TTLL5: variants seen among roughly 807,000 people sequenced by gnomAD.
TTLL5 encodes tubulin tyrosine ligase like 5, also known as tubulin polyglutamylase TTLL5.
Under a neutral mutation model 168.4 loss-of-function variants are expected in TTLL5, and 132 were observed. The observed-to-expected ratio is 0.78, with a 90% CI of 0.68 to 0.91. TTLL5 has a LOEUF of 0.91. TTLL5 is among the 40% of genes least tolerant of loss of function. TTLL5 has a pLI of 0.00. For missense variants in TTLL5, 1,545 were observed against 1,581.5 expected (o/e 0.98, Z 0.39); for synonymous variants, 546 against 558.6 (o/e 0.98, Z 0.32).
chr14:75,766,428 C>T (rs760382369), intron 20 of TTLL5, 60 bp downstream of exon 20: 5 of 1,424,072 alleles, frequency 3.5e-6, no homozygotes, highest in Non-Finnish European at 4.7e-6. Context: ...TACTGTGTAC[C>T]AGCTACTATT....
At chr14:75,687,151 A>G (rs746152309) in intron 5 of TTLL5, among the ~76,000 whole-genome samples, 4 of 152,242 alleles carry the variant, frequency 2.6e-5, no homozygotes, top group Non-Finnish European at 5.9e-5. Flanking sequence ...AAAATAAAAC[A>G]TAAACTGTAA....
chr14:75,732,514 T>A, intron 13 of TTLL5, 95 bp downstream of exon 13: 2 of 1,085,040 alleles, frequency 1.8e-6, no homozygotes, highest in Non-Finnish European at 2.7e-6. Context: ...ACTAGAAGAC[T>A]GTTTTTTTCC....
At chr14:75,805,196 G>A (rs1263109601) in intron 27 of TTLL5, among the ~76,000 whole-genome samples, 1 of 152,212 alleles carries the variant, frequency 6.6e-6, no homozygotes, top group South Asian at 2.1e-4. Context: ...TTAGCATGTG[G>A]CACTATTATC....
intron 6 of TTLL5, among the ~76,000 whole-genome samples, chr14:75,690,825 G>C (rs1433088885): frequency 6.6e-6 from 1 of 152,060 alleles, no homozygotes; most frequent in Non-Finnish European, 1.5e-5. Flanking sequence ...TCGCTCTGTT[G>C]CCTGGGCTGG....
intron 13 of TTLL5, among the ~76,000 whole-genome samples, chr14:75,732,877 A>G (rs1888631434): frequency 6.6e-6 from 1 of 152,232 alleles, no homozygotes; most frequent in Non-Finnish European, 1.5e-5. Context: ...TCCAAGTTTA[A>G]AGTCAAAAAC....
chr14:75,819,566 T>C (rs1480678829), intron 27 of TTLL5, among the ~76,000 whole-genome samples: 3 of 152,232 alleles, frequency 2.0e-5, no homozygotes. Context: ...CTAACCGTCT[T>C]TTTTCTTTCT....
At chr14:75,785,024 C>T in intron 26 of TTLL5, among the ~76,000 whole-genome samples, 1 of 151,974 alleles carries the variant, frequency 6.6e-6, no homozygotes, top group East Asian at 1.9e-4. Flanking sequence ...TATTTTTTCC[C>T]TACTTGATGG....
In TTLL5 at chr14:75,954,747, G is replaced by A; in HGVS notation, c.*301G>A. 2 of 434,350 alleles carry A rather than the reference G, an allele frequency of 4.6e-6. No homozygotes were observed. The highest frequency in any genetic ancestry group is 4.5e-5 in the South Asian group (1 of 22,436). The allele number at this position is 434,350 out of a possible 1,614,324, so 26.9% of individuals were successfully genotyped here. ...ATCTTTTACCTTCCCTTTGCCCCATGCCCCCAAACTGCTTAGGTCTTCTCT... is the reference window on the plus strand; with the variant it reads ...ATCTTTTACCTTCCCTTTGCCCCATACCCCCAAACTGCTTAGGTCTTCTCT... On this transcript the variant is annotated 3_prime_UTR_variant, in exon 32 of 32. Coordinates refer to ENST00000298832, the MANE Select transcript of TTLL5 (RefSeq NM_015072.5).
chr14:75,690,221 T>C lies in TTLL5; in HGVS notation c.401T>C (p.Leu134Pro). Residue 134 changes from leucine (L) to proline (P), a missense_variant, in exon 6 of 32, where the codon CTG (leucine) becomes CCG (proline). Transcript: ENST00000298832. ...RSYELTRKDR[L>P]YKNIIRMQHT... The stretch of plus-strand genomic sequence containing the variant: ...TATGAACTTACCCGGAAGGACCGAC[T>C]GTACAAAAACATTATTCGAATGCAG... The C allele has an allele frequency of 6.2e-7, 1 of 1,613,540 alleles. No individual in the cohort carries two copies. Among genetic ancestry groups the C allele is most frequent in the African/African-American group, 1.3e-5 (1 of 75,030 alleles).
At chr14:75,759,366 T>G (rs1890488036) in intron 18 of TTLL5, among the ~76,000 whole-genome samples, 1 of 152,148 alleles carries the variant, frequency 6.6e-6, no homozygotes, top group Non-Finnish European at 1.5e-5. Flanking sequence ...GCCCTGTATC[T>G]GTTGAGAAAA....
Position 75,752,947 on chromosome 14 carries a change from C to G in TTLL5, c.1542C>G (p.Phe514Leu). 1 of 1,612,918 alleles carries G rather than the reference C, an allele frequency of 6.2e-7. No homozygotes were observed. The highest frequency in any genetic ancestry group is 8.5e-7 in the Non-Finnish European group (1 of 1,179,294). Residue 514 changes from phenylalanine (F) to leucine (L), a missense_variant, in exon 18 of 32, where the codon TTC becomes TTG. By Grantham distance (22) the Phe-to-Leu change is conservative. Coordinates refer to ENST00000298832, the MANE Select transcript of TTLL5 (RefSeq NM_015072.5). Reference sequence around the variant, plus strand: ...ACTATATGCTGGCAACACGCCTCTTCCAGGACAGGTAGAGATTTGCTAAAC... The same window carrying G: ...ACTATATGCTGGCAACACGCCTCTTGCAGGACAGGTAGAGATTTGCTAAAC... ...SMNYMLATRL[F>L]QDRMTADGAP...
At chr14:75,847,973 GTT>G (rs5809733) in intron 28 of TTLL5, among the ~76,000 whole-genome samples, 3 of 146,522 alleles carry the variant, frequency 2.0e-5, no homozygotes, top group South Asian at 4.3e-4. Flanking sequence ...CTTTGGTGCT[GTT>G]TTTTTTTTTA....
At chr14:75,725,433 C>G (rs1888131906) in intron 12 of TTLL5, among the ~76,000 whole-genome samples, 1 of 152,212 alleles carries the variant, frequency 6.6e-6, no homozygotes, top group African/African-American at 2.4e-5. Flanking sequence ...GTTTATCAAG[C>G]AAACATTGGT....
chr14:75,835,916 A>G (rs1452648314), intron 28 of TTLL5, among the ~76,000 whole-genome samples: 1 of 152,206 alleles, frequency 6.6e-6, no homozygotes, highest in Non-Finnish European at 1.5e-5. Flanking sequence ...GATGTGGAGC[A>G]TAGTGAAGGC....
At chr14:75,808,873 G>A (rs1893810282) in intron 27 of TTLL5, among the ~76,000 whole-genome samples, 1 of 151,852 alleles carries the variant, frequency 6.6e-6, no homozygotes, top group Non-Finnish European at 1.5e-5. Context: ...TGATCCTCCT[G>A]CCTTGGCCTC....
At chr14:75,750,740 T>G (rs2140270909) in intron 17 of TTLL5, among the ~76,000 whole-genome samples, 1 of 151,862 alleles carries the variant, frequency 6.6e-6, no homozygotes, top group East Asian at 1.9e-4. Flanking sequence ...ATATACTATG[T>G]TTTTTACTAT....
At chr14:75,897,077 T>C (rs553929807) in intron 30 of TTLL5, among the ~76,000 whole-genome samples, 8 of 152,166 alleles carry the variant, frequency 5.3e-5, no homozygotes, top group Non-Finnish European at 1.2e-4. Flanking sequence ...ACAAGGATAT[T>C]ATTTGTTTTT....
chr14:75,841,146 C>G lies in TTLL5; in HGVS notation c.3326+20985C>G, dbSNP rs554708127. Among the ~76,000 whole-genome samples the G allele has an allele frequency of 1.6e-3, 239 of 152,332 alleles. 1 individual carries two copies. The highest frequency in any genetic ancestry group is 5.6e-3 in the African/African-American group (231 of 41,570). ...ATCCACCCCCATCATCCAATCACCT[C>G]CCACCAGGCCCCACCACCAGCATTG... On this transcript the variant is annotated intron_variant, in intron 28 of 31. Transcript: ENST00000298832.
chr14:75,743,787 T>C (rs1594957225), intron 15 of TTLL5, among the ~76,000 whole-genome samples: 1 of 152,090 alleles, frequency 6.6e-6, no homozygotes, highest in East Asian at 1.9e-4. Context: ...TTCACCGTGT[T>C]AGCCAGGATG....
Sources: gnomAD v4.1 joint callset for allele counts (sites outside exome capture counted in the v4.1 genomes callset) on GRCh38, gnomAD v4.1.1 for gene constraint, MANE v1.5 for transcripts, NCBI Gene and HGNC (gene_info 2026-07-23, HGNC 2026-07-21) for gene names.